ADAD1: variants seen among roughly 807,000 people sequenced by gnomAD.
The protein encoded by ADAD1 is adenosine deaminase domain-containing protein 1.
ADAD1 carries 46 observed loss-of-function variants against 66.8 expected under a neutral mutation model. The ratio of observed to expected loss-of-function variants is 0.69; its 90% CI spans 0.54 to 0.88. The LOEUF is 0.88. Among genes scored for constraint, ADAD1 ranks in the 40% least tolerant of loss-of-function variants. ADAD1 has a pLI of 0.00. For synonymous variants in ADAD1, 248 were observed against 229.4 expected, an observed-to-expected ratio of 1.08 and a Z score of -0.73; for missense variants, 617 against 681.8, an observed-to-expected ratio of 0.91 and a Z score of 1.06.
At chr4:122,383,094 A>G (rs1040539362) in intron 4 of ADAD1, among the ~76,000 whole-genome samples, 10 of 152,186 alleles carry the variant, frequency 6.6e-5, no homozygotes, top group Non-Finnish European at 1.2e-4. Flanking sequence ...ACCTGTAAAT[A>G]CGGGAGACAA....
At chr4:122,401,801 T>C (rs555104088) in intron 7 of ADAD1, among the ~76,000 whole-genome samples, 4 of 152,258 alleles carry the variant, frequency 2.6e-5, no homozygotes, top group Admixed American at 6.5e-5. Flanking sequence ...TTATCTGATA[T>C]AAGAATAGCT....
intron 5 of ADAD1, among the ~76,000 whole-genome samples, chr4:122,385,933 A>G (rs1418663413): frequency 6.6e-6 from 1 of 151,922 alleles, no homozygotes; most frequent in Non-Finnish European, 1.5e-5. Flanking sequence ...TTCTTTATCC[A>G]TTCTATCATT....
At chr4:122,427,156 A>G (rs1417197812) in intron 12 of ADAD1, among the ~76,000 whole-genome samples, 1 of 152,272 alleles carries the variant, frequency 6.6e-6, no homozygotes, top group African/African-American at 2.4e-5. Flanking sequence ...TAAGAGCAAT[A>G]TAGAAAAATA....
chr4:122,410,329 A>C, intron 8 of ADAD1, among the ~76,000 whole-genome samples: 1 of 152,088 alleles, frequency 6.6e-6, no homozygotes. Context: ...TGGCGTTTTT[A>C]CATACTGCTG....
chr4:122,396,273 C>T lies in ADAD1; in HGVS notation c.620C>T (p.Ala207Val). The change falls in exon 7 of 13, where the codon GCA (alanine) becomes GTA (valine). Residue 207 changes from alanine (A) to valine (V), a missense_variant. Transcript: ENST00000296513. ...VHYEGRHIQY[A>V]KISQIVKERF... ...CTAGAAGGGAGACATATTCAATATGCAAAGATTTCACAGATCGTTAAAGAA... is the reference window on the plus strand; with the variant it reads ...CTAGAAGGGAGACATATTCAATATGTAAAGATTTCACAGATCGTTAAAGAA... The T allele has an allele frequency of 6.3e-7, 1 of 1,589,348 alleles. No homozygotes were observed. The highest frequency in any genetic ancestry group is 8.5e-7 in the Non-Finnish European group (1 of 1,170,000).
chr4:122,422,535 A>G (rs1797049239), intron 12 of ADAD1, among the ~76,000 whole-genome samples: 1 of 152,160 alleles, frequency 6.6e-6, no homozygotes, highest in Non-Finnish European at 1.5e-5. Context: ...AATTTTACCA[A>G]TTTTACCAAC....
chr4:122,400,126 A>G (rs778095299), intron 7 of ADAD1, among the ~76,000 whole-genome samples: 8 of 152,074 alleles, frequency 5.3e-5, no homozygotes, highest in Non-Finnish European at 1.2e-4. Flanking sequence ...TGTTCAGTAT[A>G]ATGTTGGCTG....
chr4:122,379,840 T>C (rs1367013662), intron 2 of ADAD1, among the ~76,000 whole-genome samples: 2 of 152,152 alleles, frequency 1.3e-5, no homozygotes, highest in African/African-American at 4.8e-5. Context: ...TTTCCTCCTT[T>C]GTAGCAGAGG....
At chr4:122,408,961 G>GACTAA in intron 8 of ADAD1, among the ~76,000 whole-genome samples, 1 of 152,202 alleles carries the variant, frequency 6.6e-6, no homozygotes, top group Admixed American at 6.5e-5. Flanking sequence ...ACTGGAAAGT[G>GACTAA]TAGCTTTTGA....
At chr4:122,417,502 G>A (rs1352736365) in intron 11 of ADAD1, among the ~76,000 whole-genome samples, 1 of 152,108 alleles carries the variant, frequency 6.6e-6, no homozygotes, top group African/African-American at 2.4e-5. Flanking sequence ...ACGTGACATA[G>A]CCACATTCAC....
At chr4:122,397,247 A>G (rs991552567) in intron 7 of ADAD1, among the ~76,000 whole-genome samples, 3 of 152,214 alleles carry the variant, frequency 2.0e-5, no homozygotes, top group African/African-American at 7.2e-5. Flanking sequence ...TGGTTTAAAA[A>G]CAGGTCAAAA....
chr4:122,412,894 A>C, intron 10 of ADAD1, 85 bp downstream of exon 10: 1 of 1,158,088 alleles, frequency 8.6e-7, no homozygotes, highest in Admixed American at 2.2e-5. Context: ...AATTAGTTTT[A>C]GTTTTTGCAT....
intron 6 of ADAD1, 37 bp downstream of exon 6, chr4:122,393,694 G>A: frequency 2.8e-6 from 4 of 1,443,466 alleles, no homozygotes; most frequent in East Asian, 2.4e-5. Flanking sequence ...CTTTAGAAGA[G>A]TAGCCCAATT....
chr4:122,403,739 T>G (rs1309372872), intron 7 of ADAD1, among the ~76,000 whole-genome samples: 1 of 152,098 alleles, frequency 6.6e-6, no homozygotes, highest in Non-Finnish European at 1.5e-5. Flanking sequence ...TGGATGGGGC[T>G]GTAGAGCTCC....
intron 12 of ADAD1, among the ~76,000 whole-genome samples, chr4:122,427,455 A>G (rs1797295702): frequency 6.6e-6 from 1 of 151,516 alleles, no homozygotes; most frequent in South Asian, 2.1e-4. Flanking sequence ...TGCAAAATTA[A>G]AGTTCCAGCA....
rs757638868 is a variant in ADAD1, at chr4:122,383,812, A to G, written c.375A>G (p.Gly125=). Residue 125 remains glycine (G), a synonymous_variant, in exon 5 of 13, where the codon GGA becomes GGG. Transcript: ENST00000296513. ...TTCTTTTTCAAGGTAATGTTATGGGACCATATTTTGCCTTTTGTGCTGTGG... is the reference window on the plus strand; with the variant it reads ...TTCTTTTTCAAGGTAATGTTATGGGGCCATATTTTGCCTTTTGTGCTGTGG... ...KETVTTGNVM[G]PYFAFCAVVD... 5 of 1,599,908 alleles carry G rather than the reference A, an allele frequency of 3.1e-6. No individual in the cohort carries two copies. In the Middle Eastern group the frequency reaches 5.0e-4, roughly 160 times the overall value.
chr4:122,428,620 G>A (rs942742592), intron 12 of ADAD1, among the ~76,000 whole-genome samples: 21 of 152,276 alleles, frequency 1.4e-4, no homozygotes, highest in African/African-American at 3.9e-4. Context: ...ATGAAACAAC[G>A]TAAATGAACT....
At chr4:122,416,969 TAAC>T (rs1796765719) in intron 11 of ADAD1, among the ~76,000 whole-genome samples, 1 of 152,084 alleles carries the variant, frequency 6.6e-6, no homozygotes, top group African/African-American at 2.4e-5. Flanking sequence ...AATAATGGCA[TAAC>T]AAGATGAAAT....
intron 4 of ADAD1, 63 bp from the exon 5 acceptor site, chr4:122,383,736 A>T: frequency 6.6e-7 from 1 of 1,509,938 alleles, no homozygotes; most frequent in Non-Finnish European, 8.9e-7. Flanking sequence ...TCCTATGTAC[A>T]TACATTGTTT....
Sources: gnomAD v4.1 joint callset for allele counts (sites outside exome capture counted in the v4.1 genomes callset) on GRCh38, gnomAD v4.1.1 for gene constraint, MANE v1.5 for transcripts, NCBI Gene and HGNC (gene_info 2026-07-23, HGNC 2026-07-21) for gene names.